Variants in CUL1 observed in about 807,000 individuals in gnomAD.
CUL1 encodes cullin 1.
Under a neutral mutation model 118.0 loss-of-function variants are expected in CUL1, and 24 were observed. That is an observed-to-expected ratio of 0.20 (90% confidence interval 0.15 to 0.29). The LOEUF is 0.29. Among genes scored for constraint, CUL1 ranks in the 10% least tolerant of loss-of-function variants. The probability of loss-of-function intolerance (pLI) is 1.00; values close to 1 mark genes in which losing one functional copy is unlikely to be tolerated. For missense variants in CUL1, 361 were observed against 933.8 expected, an observed-to-expected ratio of 0.39 and a Z score of 7.99; for synonymous variants, 332 against 340.4, an observed-to-expected ratio of 0.98 and a Z score of 0.27.
intron 9 of CUL1, among the ~76,000 whole-genome samples, chr7:148,772,221 C>G (rs1212609143): frequency 6.6e-6 from 1 of 152,152 alleles, no homozygotes; most frequent in Non-Finnish European, 1.5e-5. Context: ...TCAAGACCAG[C>G]CTGGCCAACA....
intron 1 of CUL1, among the ~76,000 whole-genome samples, chr7:148,709,822 G>A (rs187888479): frequency 9.2e-5 from 14 of 152,254 alleles, no homozygotes; most frequent in African/African-American, 2.6e-4. Context: ...GGTGGCTCAC[G>A]TCTGTAATTT....
intron 1 of CUL1, among the ~76,000 whole-genome samples, chr7:148,714,068 G>A (rs554896398): frequency 7.2e-5 from 11 of 152,322 alleles, no homozygotes; most frequent in African/African-American, 2.6e-4. Flanking sequence ...TGATCACAAC[G>A]AGAAGCCTGC....
chr7:148,699,548 G>C (rs1471691588), intron 1 of CUL1, among the ~76,000 whole-genome samples: 1 of 152,154 alleles, frequency 6.6e-6, no homozygotes, highest in Non-Finnish European at 1.5e-5. Flanking sequence ...GTGAGCTCTG[G>C]GCTCAAGCGC....
intron 4 of CUL1, among the ~76,000 whole-genome samples, chr7:148,757,713 G>A (rs1356801369): frequency 1.3e-5 from 2 of 152,144 alleles, no homozygotes; most frequent in African/African-American, 4.8e-5. Flanking sequence ...CCTGAGACTG[G>A]GTAATTTATA....
chr7:148,743,245 G>A (rs1437924181), intron 2 of CUL1, among the ~76,000 whole-genome samples: 2 of 152,194 alleles, frequency 1.3e-5, no homozygotes, highest in African/African-American at 4.8e-5. Context: ...TTCTGCAGCT[G>A]TTGGCTGTAG....
intron 9 of CUL1, among the ~76,000 whole-genome samples, chr7:148,769,188 AG>A (rs1800118293): frequency 2.6e-5 from 4 of 152,176 alleles, no homozygotes; most frequent in East Asian, 3.8e-4. Flanking sequence ...TTTTTTAAAT[AG>A]AATGATAATG....
chr7:148,725,219 G>GCACACACACACACACACACACACACACA, intron 1 of CUL1, among the ~76,000 whole-genome samples: 46 of 140,144 alleles, frequency 3.3e-4, no homozygotes, highest in Middle Eastern at 7.4e-3. Flanking sequence ...ACACGCGCGC[G>GCACACACACACACACACACACACACACA]CTCACACACA....
At chr7:148,772,442 A>C (rs2129461398) in intron 9 of CUL1, among the ~76,000 whole-genome samples, 1 of 151,442 alleles carries the variant, frequency 6.6e-6, no homozygotes, top group African/African-American at 2.4e-5. Flanking sequence ...AAAAACCCAC[A>C]CATTCAGTTT....
intron 9 of CUL1, among the ~76,000 whole-genome samples, chr7:148,773,572 C>G (rs994103614): frequency 6.6e-6 from 1 of 152,184 alleles, no homozygotes; most frequent in Non-Finnish European, 1.5e-5. Flanking sequence ...TAGCCTCTTA[C>G]CCAGCGAGGA....
At chr7:148,753,892 G>A (rs555222352) in intron 2 of CUL1, 84 bp from the exon 3 acceptor site, 1 of 1,033,892 alleles carries the variant, frequency 9.7e-7, no homozygotes, top group Non-Finnish European at 1.4e-6. Context: ...GGAATGCATT[G>A]GTAATGAAAT....
chr7:148,697,928 C>G (rs1227448842), upstream of CUL1: 1 of 152,192 alleles, frequency 6.6e-6, no homozygotes, highest in Non-Finnish European at 1.5e-5. Context: ...TTTTATATCA[C>G]GACTCATGCC....
Position 148,760,348 on chromosome 7 carries a change from A to C in CUL1, c.641A>C (p.Asn214Thr). The C allele has an allele frequency of 1.9e-6, 3 of 1,602,188 alleles. No homozygotes were observed. Among genetic ancestry groups the C allele is most frequent in the Non-Finnish European group, 2.6e-6 (3 of 1,176,094 alleles). The stretch of plus-strand genomic sequence containing the variant: ...TCATTTCTAGTGGAATTGGGGCTGA[A>C]TGAAGATGATGCATTTGCAAAGGGC... ...VVQSYVELGL[N>T]EDDAFAKGPT... is the part of the protein sequence containing the mutation. Residue 214 changes from asparagine (N) to threonine (T), a missense_variant, in exon 7 of 22, where the codon AAT becomes ACT. Asn to Thr is a moderately conservative substitution (Grantham distance 65, BLOSUM62 0). Coordinates refer to ENST00000325222, the MANE Select transcript of CUL1 (RefSeq NM_003592.3).
rs145223246 is a variant in CUL1, at chr7:148,734,846, CA to C, written c.140+4585del. ...TCCAGACCTACCTGTGTCTTGTTTC[CA>C]GGTCAGGTACCTCAGATTCATAATT... On this transcript the variant is annotated intron_variant, in intron 2 of 21. Coordinates refer to ENST00000325222, the MANE Select transcript of CUL1 (RefSeq NM_003592.3). Among the ~76,000 whole-genome samples the C allele has an allele frequency of 4.6e-5, 7 of 152,242 alleles. No homozygotes were observed. In the East Asian group the frequency reaches 7.7e-4, roughly 17 times the overall value.
At chr7:148,769,786 T>C (rs1272714566) in intron 9 of CUL1, among the ~76,000 whole-genome samples, 2 of 152,064 alleles carry the variant, frequency 1.3e-5, no homozygotes, top group African/African-American at 4.8e-5. Context: ...TCCCAGCTAC[T>C]CAGAAGCCTG....
chr7:148,773,639 G>A (rs1217523484), intron 9 of CUL1, among the ~76,000 whole-genome samples: 2 of 152,168 alleles, frequency 1.3e-5, no homozygotes, highest in Non-Finnish European at 1.5e-5. Context: ...TCGGCTGCAC[G>A]ACTCTTGACC....
intron 9 of CUL1, among the ~76,000 whole-genome samples, chr7:148,781,702 G>A (rs1421182982): frequency 3.9e-5 from 6 of 152,022 alleles, no homozygotes; most frequent in East Asian, 3.9e-4. Context: ...AAGCAAGAGC[G>A]TGAGTAAGTT....
chr7:148,789,696 A>T, intron 14 of CUL1, 54 bp from the exon 15 acceptor site: 1 of 1,414,070 alleles, frequency 7.1e-7, no homozygotes, highest in Non-Finnish European at 1.0e-6. Flanking sequence ...TTCAGTTTAT[A>T]AACTAATTAA....
At chr7:148,779,270 C>T (rs534233928) in intron 9 of CUL1, among the ~76,000 whole-genome samples, 14 of 152,182 alleles carry the variant, frequency 9.2e-5, no homozygotes, top group Non-Finnish European at 1.0e-4. Context: ...AATGCCACTT[C>T]ACTAGGTACT....
intron 12 of CUL1, 121 bp downstream of exon 12, chr7:148,786,720 C>A: frequency 1.1e-6 from 1 of 931,274 alleles, no homozygotes; most frequent in Non-Finnish European, 1.6e-6. Context: ...TATTTTGAAT[C>A]TCTGGTTTTA....
Sources: allele counts gnomAD v4.1 joint callset (sites outside exome capture counted in the v4.1 genomes callset), GRCh38; gene constraint gnomAD v4.1.1; transcripts MANE v1.5; gene names NCBI Gene and HGNC (gene_info 2026-07-23, HGNC 2026-07-21).